RPTOR: variants seen among roughly 807,000 people sequenced by gnomAD.
RPTOR encodes the protein regulatory associated protein of MTOR complex 1, also known as regulatory-associated protein of mTOR.
Under a neutral mutation model 169.9 loss-of-function variants are expected in RPTOR, and 21 were observed. That is an observed-to-expected ratio of 0.12 (90% CI 0.09 to 0.18). RPTOR has a LOEUF of 0.18. RPTOR is among the 10% of genes least tolerant of loss of function. RPTOR has a pLI of 1.00. For missense variants in RPTOR, 1,133 were observed against 1,855.9 expected (o/e 0.61, Z 7.16); for synonymous variants, 732 against 753.2 (o/e 0.97, Z 0.46).
At chr17:80,854,069 C>G (rs1402107672) in intron 11 of RPTOR, among the ~76,000 whole-genome samples, 1 of 152,062 alleles carries the variant, frequency 6.6e-6, no homozygotes, top group Non-Finnish European at 1.5e-5. Context: ...ATAAAGAACT[C>G]TGACATGTCA....
At chr17:80,551,452 C>G (rs2084344575) in intron 1 of RPTOR, among the ~76,000 whole-genome samples, 1 of 151,930 alleles carries the variant, frequency 6.6e-6, no homozygotes. Context: ...GGGAGAGGGT[C>G]AGCAGACAAA....
At chr17:80,850,057 AC>A (rs1291510767) in intron 11 of RPTOR, among the ~76,000 whole-genome samples, 2 of 152,146 alleles carry the variant, frequency 1.3e-5, no homozygotes, top group East Asian at 3.8e-4. Flanking sequence ...TCATTTATTT[AC>A]TTGGCCCTTT....
At chr17:80,568,313 A>G (rs2064867809) in intron 1 of RPTOR, among the ~76,000 whole-genome samples, 1 of 152,116 alleles carries the variant, frequency 6.6e-6, no homozygotes, top group Admixed American at 6.5e-5. Flanking sequence ...TAGTACTGGT[A>G]TTTTGGTCAC....
chr17:80,794,092 T>C (rs1167322250), intron 7 of RPTOR, among the ~76,000 whole-genome samples: 1 of 152,214 alleles, frequency 6.6e-6, no homozygotes, highest in African/African-American at 2.4e-5. Flanking sequence ...AATTGGTAAA[T>C]TGGACTTCAT....
chr17:80,850,779 G>A (rs2067785437), intron 11 of RPTOR, among the ~76,000 whole-genome samples: 1 of 152,178 alleles, frequency 6.6e-6, no homozygotes, highest in African/African-American at 2.4e-5. Flanking sequence ...ATGTACATCG[G>A]GGACTCCAAA....
intron 1 of RPTOR, among the ~76,000 whole-genome samples, chr17:80,566,376 CA>C (rs2064840581): frequency 1.3e-5 from 2 of 152,024 alleles, no homozygotes. Flanking sequence ...CAATGCAAAA[CA>C]AGGCACAGAA....
chr17:80,732,907 T>G (rs1339172940), intron 5 of RPTOR, among the ~76,000 whole-genome samples: 2 of 152,248 alleles, frequency 1.3e-5, no homozygotes, highest in African/African-American at 4.8e-5. Flanking sequence ...TAATACTTTT[T>G]ATTGTATAAC....
chr17:80,796,498 A>G (rs1224671277), intron 7 of RPTOR, among the ~76,000 whole-genome samples: 1 of 152,190 alleles, frequency 6.6e-6, no homozygotes, highest in South Asian at 2.1e-4. Flanking sequence ...GGGAAGGGGA[A>G]GTGCCACACT....
At chr17:80,650,457 G>A (rs1234552468) in intron 3 of RPTOR, among the ~76,000 whole-genome samples, 1 of 152,218 alleles carries the variant, frequency 6.6e-6, no homozygotes, top group Non-Finnish European at 1.5e-5. Flanking sequence ...CCTCTCACTG[G>A]TAGGGGAGCT....
chr17:80,861,277 C>G lies in RPTOR; in HGVS notation c.1509+3377C>G, dbSNP rs943485014. On this transcript the variant is annotated intron_variant, in intron 13 of 33. Transcript: ENST00000306801. The surrounding 1 kb of genome is among the most constrained non-coding windows in gnomAD (Gnocchi z 4.5). ...ACAGTTCCAGAGCTCAGAACCAGGACGTGGAAAACTGCTGTGTAAATTATA... is the reference window on the plus strand; with the variant it reads ...ACAGTTCCAGAGCTCAGAACCAGGAGGTGGAAAACTGCTGTGTAAATTATA... Among the ~76,000 whole-genome samples, 9 of 144,364 alleles carry G rather than the reference C, an allele frequency of 6.2e-5. No homozygotes were observed. Among genetic ancestry groups the G allele is most frequent in the African/African-American group, 2.0e-4 (8 of 40,840 alleles). The allele number at this position is 144,364 out of a possible 152,430, so 94.7% of individuals were successfully genotyped here.
intron 13 of RPTOR, among the ~76,000 whole-genome samples, chr17:80,872,187 A>G (rs1002472477): frequency 5.9e-5 from 9 of 152,172 alleles, no homozygotes; most frequent in Non-Finnish European, 8.8e-5. Flanking sequence ...ACATTTGTGA[A>G]GCCAGCATCT....
intron 1 of RPTOR, among the ~76,000 whole-genome samples, chr17:80,610,418 G>T (rs900743152): frequency 2.0e-5 from 3 of 152,176 alleles, no homozygotes; most frequent in African/African-American, 7.2e-5. Context: ...TGTCTTGTTA[G>T]TAAGAAGGTT....
chr17:80,728,208 CAGA>C (rs2066356775), intron 4 of RPTOR, among the ~76,000 whole-genome samples: 1 of 152,160 alleles, frequency 6.6e-6, no homozygotes, highest in Admixed American at 6.5e-5. Context: ...TGATCTGCAG[CAGA>C]AGTTTATATA....
At chr17:80,719,934 T>G (rs1309161365) in intron 4 of RPTOR, among the ~76,000 whole-genome samples, 2 of 152,254 alleles carry the variant, frequency 1.3e-5, no homozygotes, top group African/African-American at 4.8e-5. Context: ...GTTTTTTGTT[T>G]TTTTAATTGG....
At chr17:80,783,578 C>T (rs1021123036) in intron 6 of RPTOR, among the ~76,000 whole-genome samples, 5 of 152,208 alleles carry the variant, frequency 3.3e-5, no homozygotes, top group Non-Finnish European at 2.9e-5. Context: ...GCCTTGTTCC[C>T]GTGGAAGGTG....
intron 1 of RPTOR, among the ~76,000 whole-genome samples, chr17:80,572,679 C>G (rs552191080): frequency 6.6e-6 from 1 of 152,038 alleles, no homozygotes; most frequent in Non-Finnish European, 1.5e-5. Flanking sequence ...GAGTCGAGAT[C>G]GCACCAGCAC....
At chr17:80,813,856 C>T (rs959810869) in intron 7 of RPTOR, among the ~76,000 whole-genome samples, 4 of 152,138 alleles carry the variant, frequency 2.6e-5, no homozygotes, top group Admixed American at 6.5e-5. Flanking sequence ...AGTTTTGACT[C>T]GGTACGGTGG....
At chr17:80,727,594 G>A (rs1002330584) in intron 4 of RPTOR, among the ~76,000 whole-genome samples, 1 of 152,114 alleles carries the variant, frequency 6.6e-6, no homozygotes, top group Non-Finnish European at 1.5e-5. Flanking sequence ...CAAGAACGTG[G>A]ACGCTGCACC....
At chr17:80,800,923 C>T (rs1358833671) in intron 7 of RPTOR, among the ~76,000 whole-genome samples, 3 of 152,208 alleles carry the variant, frequency 2.0e-5, no homozygotes, top group Admixed American at 1.3e-4. Flanking sequence ...AATCCATTGT[C>T]GTGAATAAGT....
Sources: allele counts gnomAD v4.1 joint callset (sites outside exome capture counted in the v4.1 genomes callset), GRCh38; gene constraint gnomAD v4.1.1; non-coding constraint Gnocchi (gnomAD v3.1); transcripts MANE v1.5; gene names NCBI Gene and HGNC (gene_info 2026-07-23, HGNC 2026-07-21).